SLIT3: variants seen among roughly 807,000 people sequenced by gnomAD.
The protein encoded by SLIT3 is slit homolog 3 protein.
In SLIT3, 68 loss-of-function variants were observed where a neutral mutation model predicts 184.0. The ratio of observed to expected loss-of-function variants is 0.37; its 90% CI spans 0.30 to 0.45. The LOEUF (loss-of-function observed/expected upper bound fraction) is 0.45, where lower values mean the gene tolerates loss of function less well. Among genes scored for constraint, SLIT3 ranks in the 20% least tolerant of loss-of-function variants. The pLI, the probability that SLIT3 is intolerant of heterozygous loss-of-function variation, is 1.00. For missense variants in SLIT3, 1,707 were observed against 2,026.0 expected, an observed-to-expected ratio of 0.84 and a Z score of 3.02; for synonymous variants, 831 against 828.6, an observed-to-expected ratio of 1.00 and a Z score of -0.05.
At chr5:168,823,421 G>T in intron 6 of SLIT3, 90 bp from the exon 7 acceptor site, 1 of 913,348 alleles carries the variant, frequency 1.1e-6, no homozygotes, top group Non-Finnish European at 1.8e-6. Context: ...GGATGGTTGT[G>T]ACCGCAAGAC....
At chr5:168,929,758 G>T (rs1258883013) in intron 4 of SLIT3, among the ~76,000 whole-genome samples, 1 of 152,224 alleles carries the variant, frequency 6.6e-6, no homozygotes, top group Non-Finnish European at 1.5e-5. Flanking sequence ...ATGGGAAACT[G>T]CAAATAGTTC....
At chr5:169,045,428 GAAAAAAA>G (rs5873145) in intron 4 of SLIT3, among the ~76,000 whole-genome samples, 1 of 123,806 alleles carries the variant, frequency 8.1e-6, no homozygotes, top group East Asian at 2.2e-4. Context: ...GTCCATGCAG[GAAAAAAA>G]AAAAAAAAAA....
intron 4 of SLIT3, among the ~76,000 whole-genome samples, chr5:169,140,630 C>A (rs1365358531): frequency 6.6e-6 from 1 of 151,812 alleles, no homozygotes; most frequent in African/African-American, 2.4e-5. Context: ...ATAGTGAGAC[C>A]CTGTGTCTAC....
At chr5:169,274,059 G>T (rs1270424552) in intron 1 of SLIT3, among the ~76,000 whole-genome samples, 1 of 152,058 alleles carries the variant, frequency 6.6e-6, no homozygotes, top group Admixed American at 6.5e-5. Context: ...CCCCAAATGG[G>T]GTTCCCGGAC....
chr5:169,003,017 T>C (rs62378633), intron 4 of SLIT3, among the ~76,000 whole-genome samples: 5,386 of 152,284 alleles, frequency 0.035, 121 homozygotes, highest in Middle Eastern at 0.065. Flanking sequence ...ACTTATTCTT[T>C]GGGGGAAGGC....
intron 4 of SLIT3, among the ~76,000 whole-genome samples, chr5:168,928,530 C>T (rs372389013): frequency 3.3e-5 from 5 of 152,312 alleles, no homozygotes; most frequent in African/African-American, 1.2e-4. Context: ...TATGTCGTCT[C>T]TGCCTACCTT....
chr5:168,936,851 T>A (rs190623193), intron 4 of SLIT3, among the ~76,000 whole-genome samples: 1 of 152,300 alleles, frequency 6.6e-6, no homozygotes, highest in East Asian at 1.9e-4. Flanking sequence ...TGTCTCATCC[T>A]AGGAACTGGG....
intron 4 of SLIT3, among the ~76,000 whole-genome samples, chr5:169,143,988 G>A (rs555646011): frequency 6.6e-6 from 1 of 152,316 alleles, no homozygotes; most frequent in South Asian, 2.1e-4. Flanking sequence ...AGTAAGTAGT[G>A]TGAGTTAAGG....
At chr5:168,845,761 G>T (rs1463365904) in intron 5 of SLIT3, among the ~76,000 whole-genome samples, 1 of 152,118 alleles carries the variant, frequency 6.6e-6, no homozygotes, top group East Asian at 1.9e-4. Flanking sequence ...CAACAAAAAA[G>T]GTGTTATACA....
intron 34 of SLIT3, among the ~76,000 whole-genome samples, chr5:168,670,858 G>A (rs1450696554): frequency 6.6e-6 from 1 of 152,150 alleles, no homozygotes; most frequent in African/African-American, 2.4e-5. Flanking sequence ...ATATACACCT[G>A]GTGCCTTGCA....
At chr5:168,972,231 G>T (rs952688357) in intron 4 of SLIT3, among the ~76,000 whole-genome samples, 1 of 152,058 alleles carries the variant, frequency 6.6e-6, no homozygotes, top group Non-Finnish European at 1.5e-5. Flanking sequence ...AATGGTGCAG[G>T]ATGAGGTTGG....
intron 4 of SLIT3, among the ~76,000 whole-genome samples, chr5:168,961,281 T>G (rs1277929514): frequency 6.6e-6 from 1 of 152,216 alleles, no homozygotes; most frequent in African/African-American, 2.4e-5. Flanking sequence ...CATCCACTCA[T>G]TCATTCAAAA....
At chr5:169,031,647 G>GCC (rs1315157868) in intron 4 of SLIT3, among the ~76,000 whole-genome samples, 1 of 152,180 alleles carries the variant, frequency 6.6e-6, no homozygotes, top group Admixed American at 6.5e-5. Flanking sequence ...GACACAGCTG[G>GCC]CTGGGGCCCA....
chr5:168,948,741 A>G (rs528077073), intron 4 of SLIT3, among the ~76,000 whole-genome samples: 18 of 152,306 alleles, frequency 1.2e-4, no homozygotes, highest in Non-Finnish European at 2.2e-4. Context: ...TTAACCATGA[A>G]GAAGGCCAGA....
intron 20 of SLIT3, among the ~76,000 whole-genome samples, chr5:168,729,310 T>A (rs529201587): frequency 6.6e-6 from 1 of 152,056 alleles, no homozygotes; most frequent in Non-Finnish European, 1.5e-5. Flanking sequence ...GGCAAATACA[T>A]TGCAAAAAGG....
intron 4 of SLIT3, among the ~76,000 whole-genome samples, chr5:168,999,496 A>G (rs1374783360): frequency 2.0e-5 from 3 of 151,684 alleles, no homozygotes; most frequent in African/African-American, 2.4e-5. Context: ...TCATATCCCC[A>G]TCCCCTTCCA....
chr5:169,032,891 C>T (rs969401760), intron 4 of SLIT3, among the ~76,000 whole-genome samples: 10 of 149,774 alleles, frequency 6.7e-5, no homozygotes, highest in African/African-American at 2.5e-4. Flanking sequence ...ATTAACATAG[C>T]CATCATCTCA....
At chr5:169,296,493 T>C (rs1020274653) in intron 1 of SLIT3, among the ~76,000 whole-genome samples, 4 of 152,172 alleles carry the variant, frequency 2.6e-5, no homozygotes, top group Non-Finnish European at 5.9e-5. Flanking sequence ...GGCACTGTGT[T>C]TCCCTAAAAG....
At position 168,906,593 on chromosome 5, in the gene SLIT3, A is replaced by G. The variant is rs986279095; in HGVS notation, c.414-23257T>C. Among the ~76,000 whole-genome samples, 50 of 152,188 alleles carry G rather than the reference A, an allele frequency of 3.3e-4. 1 individual carries two copies. Among genetic ancestry groups the G allele is most frequent in the Non-Finnish European group, 4.4e-5 (3 of 68,036 alleles). ...CCAAACCGTCACAGGGGTTACCTCT[A>G]CGTGGATAAGTGGCCTTGGGAGAAG... On this transcript the variant is annotated intron_variant, in intron 4 of 35. Coordinates refer to ENST00000519560, the MANE Select transcript of SLIT3 (RefSeq NM_003062.4).
Sources: allele counts gnomAD v4.1 joint callset (sites outside exome capture counted in the v4.1 genomes callset), GRCh38; gene constraint gnomAD v4.1.1; transcripts MANE v1.5; gene names NCBI Gene and HGNC (gene_info 2026-07-23, HGNC 2026-07-21).